SECISBP2: variants seen among roughly 807,000 people sequenced by gnomAD.
The protein encoded by SECISBP2 is SECIS binding protein 2.
In SECISBP2, 96 loss-of-function variants were observed where a neutral mutation model predicts 98.2. The observed-to-expected ratio is 0.98, with a 90% CI of 0.83 to 1.16. The LOEUF is 1.16. Ranked by LOEUF, SECISBP2 falls within the 50% of genes most tolerant of loss-of-function variation. SECISBP2 has a pLI of 0.00. For missense variants in SECISBP2, 1,046 were observed against 1,022.9 expected, an observed-to-expected ratio of 1.02 and a Z score of -0.31; for synonymous variants, 407 against 370.2, an observed-to-expected ratio of 1.10 and a Z score of -1.14.
In SECISBP2 at chr9:89,341,302, GT is replaced by G. The variant is rs754599875; in HGVS notation, c.1303-42del. The G allele has an allele frequency of 1.9e-6, 3 of 1,566,556 alleles. No homozygotes were observed. In the African/African-American group the frequency reaches 4.1e-5, roughly 21 times the overall value. On this transcript the variant is annotated intron_variant, in intron 9 of 16. Transcript: ENST00000375807. ...AGTTTTTTGTAAAAAGAAAAGCACA[GT>G]TTGTATAGTTTTATAAGTAAACTTA...
At chr9:89,321,122 C>G (rs1034247241) in intron 2 of SECISBP2, among the ~76,000 whole-genome samples, 3 of 152,142 alleles carry the variant, frequency 2.0e-5, no homozygotes, top group African/African-American at 7.2e-5. Context: ...CCCTATTTTT[C>G]CACTGTATTT....
chr9:89,329,664 A>G (rs1023277271), intron 5 of SECISBP2: 2 of 152,018 alleles, frequency 1.3e-5, no homozygotes, highest in African/African-American at 4.8e-5. Context: ...GGGTTTCACC[A>G]TATTGGTCTG....
chr9:89,338,417 G>T (rs758744526), intron 7 of SECISBP2, 41 bp from the exon 8 acceptor site: 6 of 1,609,580 alleles, frequency 3.7e-6, no homozygotes, highest in Middle Eastern at 1.7e-4. Context: ...TCTATTGACC[G>T]CCCTAAAAAC....
At chr9:89,337,340 T>A (rs1258854118) in intron 7 of SECISBP2, among the ~76,000 whole-genome samples, 2 of 152,212 alleles carry the variant, frequency 1.3e-5, no homozygotes, top group African/African-American at 4.8e-5. Flanking sequence ...ATGGTTTTTT[T>A]AGAAACTTTC....
intron 2 of SECISBP2, chr9:89,324,129 G>A (rs1317647814): frequency 6.6e-6 from 1 of 152,026 alleles, no homozygotes; most frequent in African/African-American, 2.4e-5. Flanking sequence ...CACCTTCAGT[G>A]ACACTTGCCC....
intron 10 of SECISBP2, among the ~76,000 whole-genome samples, chr9:89,344,445 TTACG>T (rs1830141681): frequency 6.6e-6 from 1 of 152,230 alleles, no homozygotes; most frequent in Non-Finnish European, 1.5e-5. Flanking sequence ...GTTCTGGGTT[TTACG>T]TTTAAGTCTT....
At chr9:89,333,168 C>CA (rs1828038384) in intron 6 of SECISBP2, among the ~76,000 whole-genome samples, 182 bp downstream of exon 6, 1 of 152,290 alleles carries the variant, frequency 6.6e-6, no homozygotes, top group Middle Eastern at 3.4e-3. Context: ...CATCCACACA[C>CA]AAAGAGTATA....
rs762702467 is a variant in SECISBP2, at chr9:89,346,980, G to A, written c.1534G>A (p.Ala512Thr). 8 of 1,614,146 alleles carry A rather than the reference G, an allele frequency of 5.0e-6. No homozygotes were observed. Among genetic ancestry groups the A allele is most frequent in the Non-Finnish European group, 6.8e-6 (8 of 1,180,020 alleles). ...CCCGCACAATCCCTTGGACTCCAGC[G>A]CCCCACTGATGAAGAAAGGGAAGCA... ...KTPHNPLDSS[A>T]PLMKKGKQRE... is the part of the protein sequence containing the mutation. Residue 512 changes from alanine (A) to threonine (T), a missense_variant, in exon 11 of 17, where the codon GCC becomes ACC. Ala to Thr is a moderately conservative substitution (Grantham distance 58). Coordinates refer to ENST00000375807, the MANE Select transcript of SECISBP2 (RefSeq NM_024077.5).
chr9:89,355,270 T>G, intron 14 of SECISBP2: 4 of 985,438 alleles, frequency 4.1e-6, no homozygotes, highest in Non-Finnish European at 4.8e-6. Context: ...AAAGACTGGG[T>G]GAGTATCCTG....
intron 6 of SECISBP2, chr9:89,334,044 G>T: frequency 8.4e-6 from 9 of 1,068,392 alleles, no homozygotes; most frequent in Non-Finnish European, 1.0e-5. Context: ...GGCACCTAAA[G>T]GAGTAGTGTT....
intron 12 of SECISBP2, among the ~76,000 whole-genome samples, chr9:89,349,160 T>C (rs1024737075): frequency 1.3e-5 from 2 of 152,194 alleles, no homozygotes; most frequent in African/African-American, 4.8e-5. Context: ...ACCTTGCCAT[T>C]CTTGTGGGTG....
rs774993179 is a variant in SECISBP2 at position 89,349,813 on chromosome 9, G to A, written c.1776G>A (p.Ser592=). 5.6e-6 allele frequency: 9 copies of A among 1,614,152 alleles called. No homozygotes were observed. Among genetic ancestry groups the A allele is most frequent in the African/African-American group, 1.3e-5 (1 of 75,014 alleles). The change falls in exon 13 of 17, where the codon TCG becomes TCA. Residue 592 remains serine, a synonymous_variant. Transcript: ENST00000375807. ...TGGACGAACTGATCTCCACTCCTTC[G>A]GTTGAGGACAAGTCTGAAGAGCCAC... ...EGMDELISTP[S]VEDKSEEPPG...
At chr9:89,333,806 A>C (rs554172672) in intron 6 of SECISBP2, among the ~76,000 whole-genome samples, 33 of 152,250 alleles carry the variant, frequency 2.2e-4, no homozygotes, top group Non-Finnish European at 4.1e-4. Flanking sequence ...CATTTTTACA[A>C]AATGATTCCA....
Position 89,332,967 on chromosome 9 carries a change from T to C in SECISBP2, c.861T>C (p.Asn287=). Residue 287 remains asparagine, a synonymous_variant, in exon 6 of 17, where the codon AAT becomes AAC. Coordinates refer to ENST00000375807, the MANE Select transcript of SECISBP2 (RefSeq NM_024077.5). ...NESVTANAAT[N]SPSCTRELSW... is the part of the protein sequence containing the mutation. ...CTGTAACTGCTAATGCCGCTACCAA[T>C]TCTCCTTCATGTACAAGAGGTAAAA... 1.9e-6 allele frequency: 3 copies of C among 1,613,822 alleles called. No individual in the cohort carries two copies. The highest frequency in any genetic ancestry group is 2.5e-6 in the Non-Finnish European group (3 of 1,179,790).
rs1199509018 is a variant in SECISBP2 at position 89,358,807 on chromosome 9, ATGAATT to A, written c.2556_2561del (p.Asn853_Leu854del). On this transcript the variant is annotated inframe_deletion, in exon 17 of 17. Transcript: ENST00000375807. ...CTTGGAGGCTTCAACCTCTCAAATGATGAATTTGAATTTATGAGAGTTCTTGCCTGT... is the reference window on the plus strand; with the variant it reads ...CTTGGAGGCTTCAACCTCTCAAATGATGAATTTATGAGAGTTCTTGCCTGT... 1.9e-6 allele frequency: 3 copies of A among 1,607,856 alleles called. No homozygotes were observed. The Admixed American group carries it at 5.0e-5, about 27-fold the overall frequency.
rs1432767666 is a variant in SECISBP2 at position 89,338,441 on chromosome 9, T to A, written c.1090-17T>A. On this transcript the variant is annotated splice_polypyrimidine_tract_variant and intron_variant, in intron 7 of 16. Transcript: ENST00000375807. ...CGCCCTAAAAACAGGATTTTTTGCTTTGATTTTCTGTTCTAGTCTAAAGCA... is the reference window on the plus strand; with the variant it reads ...CGCCCTAAAAACAGGATTTTTTGCTATGATTTTCTGTTCTAGTCTAAAGCA... 13 of 1,612,860 alleles carry A rather than the reference T, an allele frequency of 8.1e-6. No individual in the cohort carries two copies. Among genetic ancestry groups the A allele is most frequent in the Non-Finnish European group, 1.1e-5 (13 of 1,179,742 alleles).
Position 89,338,476 on chromosome 9 carries a change from A to C in SECISBP2, c.1108A>C (p.Ser370Arg). 6.2e-7 allele frequency: 1 copy of C among 1,613,584 alleles called. No individual in the cohort carries two copies. Among genetic ancestry groups the C allele is most frequent in the Non-Finnish European group, 8.5e-7 (1 of 1,179,856 alleles). ...GTTCTAGTCTAAAGCATCACAAGGT[A>C]GTGACCTTGAACAAAATGAAGCCTC... ...PTQKSKASQG[S>R]DLEQNEASRK... Residue 370 changes from serine to arginine, a missense_variant, in exon 8 of 17, where the codon AGT (serine) becomes CGT (arginine). Coordinates refer to ENST00000375807, the MANE Select transcript of SECISBP2 (RefSeq NM_024077.5).
intron 7 of SECISBP2, among the ~76,000 whole-genome samples, chr9:89,337,587 AC>A (rs1828970658): frequency 6.6e-6 from 1 of 152,138 alleles, no homozygotes. Flanking sequence ...TATACACATT[AC>A]CCTTCAACCT....
Position 89,328,985 on chromosome 9 carries a change from C to T in SECISBP2, c.801+99C>T, listed in dbSNP as rs556295927. ...TAAATCTTGCTGTGGGCTTTGATGT[C>T]CATGGAGCTGGGGAGGATGTATTGG... On this transcript the variant is annotated intron_variant, in intron 5 of 16. Transcript: ENST00000375807. 55 of 993,378 alleles carry T rather than the reference C, an allele frequency of 5.5e-5. No individual in the cohort carries two copies. The African/African-American group carries it at 7.6e-4, about 14-fold the overall frequency. 61.5% of individuals were successfully genotyped at this position (993,378 alleles called of 1,614,324 possible).
Sources: allele counts gnomAD v4.1 joint callset (sites outside exome capture counted in the v4.1 genomes callset), GRCh38; gene constraint gnomAD v4.1.1; transcripts MANE v1.5; gene names NCBI Gene and HGNC (gene_info 2026-07-23, HGNC 2026-07-21).